Variants in ADAP1 observed in about 807,000 individuals in gnomAD.
ADAP1 encodes the protein ArfGAP with dual PH domains 1.
Under a neutral mutation model 54.9 loss-of-function variants are expected in ADAP1, and 31 were observed. The ratio of observed to expected loss-of-function variants is 0.56; its 90% CI spans 0.42 to 0.76. The LOEUF (loss-of-function observed/expected upper bound fraction) is 0.76. Among genes scored for constraint, ADAP1 ranks in the 30% least tolerant of loss-of-function variants. The pLI is 0.00. For missense variants in ADAP1, 535 were observed against 512.4 expected (o/e 1.04, Z -0.42); for synonymous variants, 313 against 202.6 (o/e 1.55, Z -4.63).
chr7:905,285 C>A (rs562260955), intron 4 of ADAP1, 113 bp from the exon 5 acceptor site: 5 of 235,632 alleles, frequency 2.1e-5, no homozygotes, highest in South Asian at 1.1e-4. Context: ...GGGACACGGA[C>A]GGGGGACACG....
chr7:915,607 G>A (rs6974957), intron 4 of ADAP1, among the ~76,000 whole-genome samples: 64,371 of 152,076 alleles, frequency 0.42, 14,350 homozygotes, highest in East Asian at 0.63. Flanking sequence ...AGGGTCACAC[G>A]GGAGGCTTTA....
chr7:946,370 G>A lies in ADAP1; in HGVS notation c.82+8026C>T, dbSNP rs1017534233. ...CCCCCACCCCCTCACGCTCACGGGCGGCCCTGGTCCCATTCCATTGTGAGG... is the reference window on the plus strand; with the variant it reads ...CCCCCACCCCCTCACGCTCACGGGCAGCCCTGGTCCCATTCCATTGTGAGG... On this transcript the variant is annotated intron_variant, in intron 1 of 10. Transcript: ENST00000265846. This position sits in a 1 kb window ranked among gnomAD's most constrained non-coding sequence, Gnocchi z 4.3. Among the ~76,000 whole-genome samples the A allele has an allele frequency of 7.3e-5, 11 of 151,642 alleles. No homozygotes were observed. The highest frequency in any genetic ancestry group is 2.1e-4 in the South Asian group (1 of 4,792).
Position 898,958 on chromosome 7 carries a change from G to C in ADAP1, c.1097-9C>G. 1 of 1,611,450 alleles carries C rather than the reference G, an allele frequency of 6.2e-7. No individual in the cohort carries two copies. The highest frequency in any genetic ancestry group is 1.7e-4 in the Middle Eastern group (1 of 6,056). The stretch of plus-strand genomic sequence containing the variant: ...CTTGAAGTGCGCCTCCACTGCAACG[G>C]AACAGGGTCCAGCGTTGTCACAGCG... On this transcript the variant is annotated splice_polypyrimidine_tract_variant and intron_variant, in intron 10 of 10. Transcript: ENST00000265846.
At chr7:910,819 G>A (rs1184114133) in intron 4 of ADAP1, among the ~76,000 whole-genome samples, 1 of 152,148 alleles carries the variant, frequency 6.6e-6, no homozygotes, top group Non-Finnish European at 1.5e-5. Flanking sequence ...CGGGGCCGAG[G>A]CCCTGATCAC....
chr7:953,766 C>T (rs1328280833), intron 1 of ADAP1, among the ~76,000 whole-genome samples: 2 of 152,236 alleles, frequency 1.3e-5, no homozygotes, highest in African/African-American at 2.4e-5. Flanking sequence ...ACCTGGGAAC[C>T]GAGTCAGGGA....
chr7:929,593 CAG>C (rs1846501591), intron 2 of ADAP1, among the ~76,000 whole-genome samples: 2 of 151,444 alleles, frequency 1.3e-5, no homozygotes, highest in African/African-American at 4.9e-5. Context: ...AGCAAATCCA[CAG>C]AGACACAAAG....
chr7:904,257 C>G lies in ADAP1; in HGVS notation c.517G>C (p.Ala173Pro). 6.3e-7 allele frequency: 1 copy of G among 1,596,578 alleles called. No homozygotes were observed. Among genetic ancestry groups the G allele is most frequent in the East Asian group, 2.3e-5 (1 of 44,408 alleles). ...TTCAGGTGCTCGATCTTCATCACGG[C>G]CTTGGGCTCCTTGGCCTGAGAAGGG... Reference protein sequence around the residue: ...FNRNDAKEPKAVMKIEHLNAT... With the variant: ...FNRNDAKEPKPVMKIEHLNAT... The change falls in exon 6 of 11, where the codon GCC becomes CCC. Residue 173 changes from alanine to proline, a missense_variant. Coordinates refer to ENST00000265846, the MANE Select transcript of ADAP1 (RefSeq NM_006869.4).
At chr7:900,797 C>T (rs1297013922) in intron 6 of ADAP1, 181 bp from the exon 7 acceptor site, 21 of 654,716 alleles carry the variant, frequency 3.2e-5, no homozygotes, top group East Asian at 3.1e-4. Flanking sequence ...ACGCTGAGGC[C>T]GGGGCTGCTA....
At chr7:905,220 G>A (rs1467812402) in intron 4 of ADAP1, 48 bp from the exon 5 acceptor site, 12 of 1,432,938 alleles carry the variant, frequency 8.4e-6, no homozygotes, top group Middle Eastern at 1.8e-4. Context: ...TGGGGGGGAG[G>A]AAACAAAAGG....
At chr7:916,003 C>T (rs975352317) in intron 4 of ADAP1, among the ~76,000 whole-genome samples, 1 of 152,250 alleles carries the variant, frequency 6.6e-6, no homozygotes. Context: ...CCTGCACGCA[C>T]CCCCACTTCT....
Position 900,543 on chromosome 7 carries a change from C to G in ADAP1, c.722G>C (p.Gly241Ala). Residue 241 changes from glycine to alanine, a missense_variant, in exon 7 of 11, where the codon GGC becomes GCC. Transcript: ENST00000265846. ...HYLQVAFPGAGDADLVPKLSR... is the reference protein window; with the variant it reads ...HYLQVAFPGAADADLVPKLSR... The stretch of plus-strand genomic sequence containing the variant: ...AGGGCCGCCACTCACATCTGCGTCG[C>G]CGGCCCCTGGGAATGCCACCTGCAG... The G allele has an allele frequency of 6.2e-7, 1 of 1,609,142 alleles. No individual in the cohort carries two copies. The highest frequency in any genetic ancestry group is 8.5e-7 in the Non-Finnish European group (1 of 1,178,360).
Position 932,618 on chromosome 7 carries a change from A to C in ADAP1, c.213+2757T>G, listed in dbSNP as rs534943978. ...CCAGGGGCCACCCTGCCCATTTTTT[A>C]GGGAAGGAAACGGAGGCTCAGACAA... On this transcript the variant is annotated intron_variant, in intron 2 of 10. Coordinates refer to ENST00000265846, the MANE Select transcript of ADAP1 (RefSeq NM_006869.4). Among the ~76,000 whole-genome samples, 3 of 152,134 alleles carry C rather than the reference A, an allele frequency of 2.0e-5. No homozygotes were observed. In the South Asian group the frequency reaches 6.2e-4, roughly 32 times the overall value.
chr7:932,608 C>T lies in ADAP1; in HGVS notation c.213+2767G>A, dbSNP rs552244498. Among the ~76,000 whole-genome samples the T allele has an allele frequency of 4.6e-5, 7 of 152,258 alleles. No individual in the cohort carries two copies. The South Asian group carries it at 1.5e-3, about 32-fold the overall frequency. On this transcript the variant is annotated intron_variant, in intron 2 of 10. Coordinates refer to ENST00000265846, the MANE Select transcript of ADAP1 (RefSeq NM_006869.4). The stretch of plus-strand genomic sequence containing the variant: ...GGGGGATGGTCCAGGGGCCACCCTG[C>T]CCATTTTTTAGGGAAGGAAACGGAG...
intron 4 of ADAP1, among the ~76,000 whole-genome samples, chr7:910,903 C>G (rs1203183886): frequency 6.6e-6 from 1 of 152,182 alleles, no homozygotes; most frequent in Non-Finnish European, 1.5e-5. Flanking sequence ...CCTGCCCTCC[C>G]TCAGGAGGCA....
intron 1 of ADAP1, among the ~76,000 whole-genome samples, chr7:943,613 GA>G: frequency 3.8e-5 from 1 of 26,170 alleles, no homozygotes; most frequent in Admixed American, 2.9e-4. Context: ...GAGGAAGGGA[GA>G]GAGGAGGAGG....
At chr7:912,929 G>A (rs540711265) in intron 4 of ADAP1, among the ~76,000 whole-genome samples, 1 of 152,334 alleles carries the variant, frequency 6.6e-6, no homozygotes, top group African/African-American at 2.4e-5. Flanking sequence ...GCTCACTGCA[G>A]TCTTGACCTC....
intron 5 of ADAP1, among the ~76,000 whole-genome samples, chr7:904,585 C>CCA (rs762561659): frequency 1.3e-3 from 195 of 152,318 alleles, no homozygotes; most frequent in Non-Finnish European, 2.2e-3. Context: ...GCCCCAGCCA[C>CCA]CAGCCCACCT....
chr7:901,968 T>G (rs998372713), intron 6 of ADAP1, among the ~76,000 whole-genome samples: 1 of 152,140 alleles, frequency 6.6e-6, no homozygotes, highest in East Asian at 1.9e-4. Flanking sequence ...GAGCCGACTC[T>G]GGGGCTCCGG....
intron 5 of ADAP1, among the ~76,000 whole-genome samples, chr7:904,495 C>G (rs1348725020): frequency 1.3e-5 from 2 of 152,170 alleles, no homozygotes; most frequent in African/African-American, 4.8e-5. Context: ...GTGCAGGTGG[C>G]ACTTGACATC....
Sources: gnomAD v4.1 joint callset for allele counts (sites outside exome capture counted in the v4.1 genomes callset) on GRCh38, gnomAD v4.1.1 for gene constraint, Gnocchi (gnomAD v3.1) non-coding constraint, MANE v1.5 for transcripts, NCBI Gene and HGNC (gene_info 2026-07-23, HGNC 2026-07-21) for gene names.